TRIM16: variants seen among roughly 807,000 people sequenced by gnomAD.
TRIM16 encodes the protein tripartite motif containing 16.
A neutral mutation model predicts 50.4 loss-of-function variants in TRIM16; 33 were observed. The ratio of observed to expected loss-of-function variants is 0.65; its 90% CI spans 0.50 to 0.88. The LOEUF is 0.88. Among genes scored for constraint, TRIM16 ranks in the 40% least tolerant of loss-of-function variants. TRIM16 has a pLI of 0.00. For missense variants in TRIM16, 581 were observed against 686.8 expected (o/e 0.85, Z 1.72); for synonymous variants, 229 against 270.7 (o/e 0.85, Z 1.51).
intron 6 of TRIM16, among the ~76,000 whole-genome samples, chr17:15,657,464 T>G (rs757867464): frequency 6.6e-6 from 1 of 152,128 alleles, no homozygotes; most frequent in African/African-American, 2.4e-5. Flanking sequence ...TGTTGTGCAG[T>G]TGTCACCACC....
At chr17:15,664,170 T>G (rs1472765497) in intron 6 of TRIM16, among the ~76,000 whole-genome samples, 1 of 152,224 alleles carries the variant, frequency 6.6e-6, no homozygotes, top group East Asian at 1.9e-4. Flanking sequence ...AAATCCATTT[T>G]AAGGTTGAAG....
Position 15,651,191 on chromosome 17 carries a change from GCAGA to G in TRIM16, c.415_418del (p.Ser139ProfsTer23), listed in dbSNP as rs1567678090. 6.2e-7 allele frequency: 1 copy of G among 1,614,236 alleles called. No homozygotes were observed. ...GCACTGCTGATCAGGGCAGCAGAAGGCAGACAGTGGGCTGTGGTGGGCAGGGCAG... is the reference window on the plus strand; with the variant it reads ...GCACTGCTGATCAGGGCAGCAGAAGGCAGTGGGCTGTGGTGGGCAGGGCAG... On this transcript the variant is annotated frameshift_variant, in exon 7 of 12. Coordinates refer to ENST00000649191, the MANE Select transcript of TRIM16 (RefSeq NM_001348119.1). LOFTEE classifies it high-confidence loss of function.
At chr17:15,671,106 A>G (rs1336089710) in intron 6 of TRIM16, among the ~76,000 whole-genome samples, 1 of 152,274 alleles carries the variant, frequency 6.6e-6, no homozygotes, top group Admixed American at 6.5e-5. Flanking sequence ...TTGGCAAACC[A>G]AGGAAAAACA....
chr17:15,675,831 AAAAT>A (rs910877952), intron 6 of TRIM16, among the ~76,000 whole-genome samples: 1 of 147,634 alleles, frequency 6.8e-6, no homozygotes, highest in Non-Finnish European at 1.5e-5. Flanking sequence ...ATATAATATA[AAAAT>A]ATATATATTA....
In TRIM16 at chr17:15,665,458, G is replaced by A. The variant is rs1187751745; in HGVS notation, c.-338+11718C>T. ...CGGAAGGCAGAGCTTGCCATGAGCCGAAATGGTGCCACTGCACTCCAGCCT... is the reference window on the plus strand; with the variant it reads ...CGGAAGGCAGAGCTTGCCATGAGCCAAAATGGTGCCACTGCACTCCAGCCT... On this transcript the variant is annotated intron_variant, in intron 6 of 11. Transcript: ENST00000649191. 3.9e-5 allele frequency among the ~76,000 whole-genome samples: 6 copies of A among 152,164 alleles called. No homozygotes were observed. In the South Asian group the frequency reaches 8.3e-4, roughly 21 times the overall value.
Position 15,683,146 on chromosome 17 carries a change from T to C in TRIM16, c.-887A>G, listed in dbSNP as rs1816157909. ...CGTATCTTCCTGGAAATTGCCAGCA[T>C]TCTACCAGAAACTGTGGTAAGAGGT... On this transcript the variant is annotated 5_prime_UTR_variant, in exon 2 of 12. The change abolishes an upstream ATG in the 5' untranslated region. Transcript: ENST00000649191. 6.5e-7 allele frequency: 1 copy of C among 1,548,952 alleles called. No homozygotes were observed. Among genetic ancestry groups the C allele is most frequent in the African/African-American group, 1.4e-5 (1 of 73,134 alleles).
intron 6 of TRIM16, chr17:15,658,983 T>C (rs1014465687): frequency 1.1e-5 from 6 of 547,998 alleles, no homozygotes; most frequent in African/African-American, 1.0e-4. Flanking sequence ...CTAAGGGCCG[T>C]TGCTCCTAGT....
At chr17:15,645,436 A>C (rs1370801137) in intron 7 of TRIM16, among the ~76,000 whole-genome samples, 1 of 152,112 alleles carries the variant, frequency 6.6e-6, no homozygotes, top group Non-Finnish European at 1.5e-5. Context: ...CTTTGGCCCC[A>C]GCTTCAATCT....
At chr17:15,670,770 T>C (rs1312424090) in intron 6 of TRIM16, among the ~76,000 whole-genome samples, 2 of 152,228 alleles carry the variant, frequency 1.3e-5, no homozygotes, top group East Asian at 1.9e-4. Context: ...TAATTTCTAG[T>C]GTTGGGGTCC....
chr17:15,647,432 A>T (rs1987448035), intron 7 of TRIM16, among the ~76,000 whole-genome samples: 1 of 152,244 alleles, frequency 6.6e-6, no homozygotes, highest in Non-Finnish European at 1.5e-5. Flanking sequence ...CTGTGTCTGC[A>T]GCCAGCATCC....
At chr17:15,675,101 G>A (rs1007107802) in intron 6 of TRIM16, among the ~76,000 whole-genome samples, 1 of 151,720 alleles carries the variant, frequency 6.6e-6, no homozygotes, top group Non-Finnish European at 1.5e-5. Flanking sequence ...CATGGTGACA[G>A]CAGTCATTTC....
At chr17:15,650,521 C>T (rs879189081) in intron 7 of TRIM16, among the ~76,000 whole-genome samples, 31 of 152,312 alleles carry the variant, frequency 2.0e-4, no homozygotes, top group Middle Eastern at 3.4e-3. Context: ...CCACCTGTGA[C>T]ATTATACCTG....
chr17:15,669,962 G>C (rs982469323), intron 6 of TRIM16, among the ~76,000 whole-genome samples: 3 of 152,164 alleles, frequency 2.0e-5, no homozygotes, highest in African/African-American at 7.2e-5. Flanking sequence ...TCCTGGAGGG[G>C]GAAAATCTCC....
intron 11 of TRIM16, among the ~76,000 whole-genome samples, chr17:15,630,092 G>C (rs1380515882): frequency 6.6e-6 from 1 of 152,048 alleles, no homozygotes; most frequent in African/African-American, 2.4e-5. Flanking sequence ...CCACGTCCCT[G>C]GTCCTTTCCT....
intron 6 of TRIM16, among the ~76,000 whole-genome samples, chr17:15,655,046 C>T (rs1987909000): frequency 6.6e-6 from 1 of 152,138 alleles, no homozygotes; most frequent in African/African-American, 2.4e-5. Context: ...GCCATACAGG[C>T]TTCTGTCAGA....
chr17:15,639,789 A>C, intron 8 of TRIM16, among the ~76,000 whole-genome samples: 1 of 148,988 alleles, frequency 6.7e-6, no homozygotes, highest in Non-Finnish European at 1.5e-5. Context: ...CAGGAAAGCT[A>C]CCTGGGCCCC....
At chr17:15,635,040 A>T (rs980296181) in intron 9 of TRIM16, among the ~76,000 whole-genome samples, 1 of 148,780 alleles carries the variant, frequency 6.7e-6, no homozygotes, top group Admixed American at 6.7e-5. Flanking sequence ...TTCAAAAGTT[A>T]ACTATGTTGT....
intron 11 of TRIM16, among the ~76,000 whole-genome samples, chr17:15,629,698 A>G (rs1171209081): frequency 1.3e-5 from 2 of 152,242 alleles, no homozygotes; most frequent in Non-Finnish European, 2.9e-5. Context: ...CCACTCCCAA[A>G]GAATAATAGG....
rs1354954001 is a variant in TRIM16, at chr17:15,634,218, A to T, written c.850-1544T>A. On this transcript the variant is annotated intron_variant, in intron 9 of 11. Transcript: ENST00000649191. ...GTGGCGGGCGCCTGTAGTCCCAGCT[A>T]CTTGGAAGGCTGAGGCAGGAGAATG... Among the ~76,000 whole-genome samples the T allele has an allele frequency of 5.4e-5, 8 of 148,272 alleles. 2 individuals are homozygous for T. The highest frequency in any genetic ancestry group is 2.0e-4 in the African/African-American group (8 of 40,020).
Sources: allele counts gnomAD v4.1 joint callset (sites outside exome capture counted in the v4.1 genomes callset), GRCh38; gene constraint gnomAD v4.1.1; transcripts MANE v1.5; gene names NCBI Gene and HGNC (gene_info 2026-07-23, HGNC 2026-07-21).